PDE1A: variants seen among roughly 807,000 people sequenced by gnomAD.
PDE1A encodes the protein dual specificity calcium/calmodulin-dependent 3',5'-cyclic nucleotide phosphodiesterase 1A.
Under a neutral mutation model 61.7 loss-of-function variants are expected in PDE1A, and 35 were observed. The observed-to-expected ratio is 0.57, with a 90% CI of 0.43 to 0.75. The LOEUF (loss-of-function observed/expected upper bound fraction) is 0.75, where lower values mean the gene tolerates loss of function less well. Among genes scored for constraint, PDE1A ranks in the 30% least tolerant of loss-of-function variants. The probability of loss-of-function intolerance (pLI) is 0.00; values close to 1 mark genes in which losing one functional copy is unlikely to be tolerated. For synonymous variants in PDE1A, 232 were observed against 213.2 expected (o/e 1.09, Z -0.77); for missense variants, 597 against 630.6 (o/e 0.95, Z 0.57).
chr2:182,464,887 G>A lies in PDE1A; in HGVS notation c.101+57389C>T, dbSNP rs367887623. On this transcript the variant is annotated intron_variant, in intron 2 of 14. Transcript: ENST00000410103. ...CACAGACCCTTTAGCTTTTTTCATCGCTGTATGCCTCACGCTAAGCAGAAC... is the reference window on the plus strand; with the variant it reads ...CACAGACCCTTTAGCTTTTTTCATCACTGTATGCCTCACGCTAAGCAGAAC... Among the ~76,000 whole-genome samples the A allele has an allele frequency of 1.4e-3, 208 of 152,140 alleles. 1 individual carries two copies. Among genetic ancestry groups the A allele is most frequent in the Admixed American group, 1.8e-3 (27 of 15,248 alleles).
chr2:182,577,075 A>C, the PDE1A span, among the ~76,000 whole-genome samples: 1 of 152,134 alleles, frequency 6.6e-6, no homozygotes, highest in Non-Finnish European at 1.5e-5. Flanking sequence ...AGAAGTTTTT[A>C]ATTTCAATGT....
chr2:182,324,340 A>C (rs1696907120), intron 1 of PDE1A, among the ~76,000 whole-genome samples: 1 of 151,892 alleles, frequency 6.6e-6, no homozygotes, highest in Non-Finnish European at 1.5e-5. Flanking sequence ...GAACTTGCAT[A>C]CAAGATAATC....
the PDE1A span, among the ~76,000 whole-genome samples, chr2:182,555,965 C>CAAAAAAAAAAAAAAAAAAAA: frequency 1.4e-4 from 7 of 48,420 alleles, no homozygotes; most frequent in Admixed American, 2.8e-4. Flanking sequence ...AACTCCATCT[C>CAAAAAAAAAAAAAAAAAAAA]AAAAAAAAAA....
At position 182,186,580 on chromosome 2, in the gene PDE1A, C is replaced by T. The variant is rs1244393693; in HGVS notation, c.1216G>A (p.Asp406Asn). ...GAAAATGTTGGCTCTACTATGAAAT[C>T]GATGAAACCTACAAAAGCCAAAATG... is the stretch of plus-strand genomic sequence containing the variant. The change falls in exon 12 of 14, where the codon GAT becomes AAT. Residue 406 changes from aspartate to asparagine, a missense_variant. By Grantham distance (23) the Asp-to-Asn change is conservative. Coordinates refer to ENST00000351439, the Ensembl canonical transcript of PDE1A. The T allele has an allele frequency of 6.2e-7, 1 of 1,600,396 alleles. No individual in the cohort carries two copies.
chr2:182,651,707 C>T, the PDE1A span, among the ~76,000 whole-genome samples: 3 of 152,142 alleles, frequency 2.0e-5, no homozygotes, highest in African/African-American at 7.2e-5. Flanking sequence ...AGGCTTCTAC[C>T]TAAAATTTAT....
intron 1 of PDE1A, among the ~76,000 whole-genome samples, chr2:182,362,430 A>G (rs193299014): frequency 6.6e-6 from 1 of 152,138 alleles, no homozygotes; most frequent in Non-Finnish European, 1.5e-5. Flanking sequence ...CAAAATTTAA[A>G]CAATAATAGA....
intron 2 of PDE1A, among the ~76,000 whole-genome samples, chr2:182,445,171 T>C (rs1032830539): frequency 1.3e-5 from 2 of 152,094 alleles, no homozygotes; most frequent in Non-Finnish European, 2.9e-5. Flanking sequence ...AAGAAAAGTT[T>C]TACTTCTTAA....
rs16822803 is a variant in PDE1A at position 182,173,967 on chromosome 2, C to G, written c.1517-5677G>C. Among the ~76,000 whole-genome samples, 1,315 of 149,936 alleles carry G rather than the reference C, an allele frequency of 8.8e-3. 11 individuals are homozygous for G. The highest frequency in any genetic ancestry group is 0.011 in the Non-Finnish European group (743 of 67,526). ...CTTTCAAAAAATCAATTTTTACTTT[C>G]TCTAAGCAACAGATATGGAAGAGTG... is the stretch of plus-strand genomic sequence containing the variant. On this transcript the variant is annotated intron_variant, in intron 13 of 13. Coordinates refer to ENST00000351439, the Ensembl canonical transcript of PDE1A.
At chr2:182,343,593 A>G (rs1698333297) in intron 1 of PDE1A, among the ~76,000 whole-genome samples, 1 of 152,168 alleles carries the variant, frequency 6.6e-6, no homozygotes, top group African/African-American at 2.4e-5. Context: ...CTAATTGACA[A>G]GGTTAGCATT....
At chr2:182,392,516 C>A (rs964293386) in intron 1 of PDE1A, among the ~76,000 whole-genome samples, 4 of 152,192 alleles carry the variant, frequency 2.6e-5, no homozygotes, top group Non-Finnish European at 5.9e-5. Flanking sequence ...CCTCACATTT[C>A]CAAACCAATC....
the PDE1A span, among the ~76,000 whole-genome samples, chr2:182,666,335 G>A: frequency 6.6e-6 from 1 of 152,110 alleles, no homozygotes; most frequent in African/African-American, 2.4e-5. Flanking sequence ...CATAGACAAG[G>A]GGCTGGGTGT....
At chr2:182,352,789 AC>A (rs761065463) in intron 1 of PDE1A, among the ~76,000 whole-genome samples, 2 of 152,216 alleles carry the variant, frequency 1.3e-5, no homozygotes, top group Non-Finnish European at 2.9e-5. Context: ...GATTTTGTAA[AC>A]AAAACACAAC....
intron 2 of PDE1A, among the ~76,000 whole-genome samples, chr2:182,448,442 T>C (rs770406316): frequency 6.6e-6 from 1 of 152,042 alleles, no homozygotes. Flanking sequence ...GATTTACACA[T>C]ATCCCGAAAC....
intron 13 of PDE1A, among the ~76,000 whole-genome samples, chr2:182,155,683 A>C (rs998533126): frequency 5.9e-5 from 9 of 152,134 alleles, no homozygotes; most frequent in African/African-American, 2.2e-4. Context: ...TGAGGCCGGG[A>C]GTTTGAGATC....
chr2:182,559,684 T>G, the PDE1A span, among the ~76,000 whole-genome samples: 2 of 152,180 alleles, frequency 1.3e-5, no homozygotes, highest in Non-Finnish European at 2.9e-5. Flanking sequence ...AATAGAATGC[T>G]TGTTATACCA....
At chr2:182,483,473 T>C (rs2125852731) in intron 2 of PDE1A, among the ~76,000 whole-genome samples, 1 of 151,838 alleles carries the variant, frequency 6.6e-6, no homozygotes, top group East Asian at 1.9e-4. Flanking sequence ...ACCACAACAA[T>C]AATCAATTAG....
the PDE1A span, among the ~76,000 whole-genome samples, chr2:182,636,114 C>G: frequency 6.6e-6 from 1 of 151,750 alleles, no homozygotes; most frequent in Non-Finnish European, 1.5e-5. Flanking sequence ...CGCCACCGTG[C>G]CCGGCTAATT....
chr2:182,265,443 G>C (rs1047540960), intron 1 of PDE1A, among the ~76,000 whole-genome samples: 1 of 152,004 alleles, frequency 6.6e-6, no homozygotes, highest in African/African-American at 2.4e-5. Flanking sequence ...TGTGTCCTTA[G>C]TGTATTTACT....
At chr2:182,327,354 A>T (rs1239244359) in intron 1 of PDE1A, among the ~76,000 whole-genome samples, 1 of 152,226 alleles carries the variant, frequency 6.6e-6, no homozygotes, top group Non-Finnish European at 1.5e-5. Flanking sequence ...CTGCAGGAAG[A>T]GCATTCCAGG....
Sources: allele counts gnomAD v4.1 joint callset (sites outside exome capture counted in the v4.1 genomes callset), GRCh38; gene constraint gnomAD v4.1.1; transcripts MANE v1.5; gene names NCBI Gene and HGNC (gene_info 2026-07-23, HGNC 2026-07-21).